Variants in EVL observed in about 807,000 individuals in gnomAD.
EVL encodes the protein Enah/Vasp-like, also known as ena/VASP-like protein.
Under a neutral mutation model 59.6 loss-of-function variants are expected in EVL, and 21 were observed. The ratio of observed to expected loss-of-function variants is 0.35; its 90% CI spans 0.25 to 0.51. The LOEUF (loss-of-function observed/expected upper bound fraction) is 0.51. EVL is among the 20% of genes least tolerant of loss of function. The pLI, the probability that EVL is intolerant of heterozygous loss-of-function variation, is 0.97. For missense variants in EVL, 462 were observed against 546.6 expected (o/e 0.85, Z 1.54); for synonymous variants, 198 against 203.5 (o/e 0.97, Z 0.23).
At chr14:100,097,370 C>T (rs2140320018) in intron 2 of EVL, 111 bp from the exon 3 acceptor site, 2 of 916,798 alleles carry the variant, frequency 2.2e-6, no homozygotes, top group Non-Finnish European at 3.2e-6. Flanking sequence ...CAAACCCCAT[C>T]CCCATCTTCC....
rs1297568170 is a variant in EVL at position 100,059,725 on chromosome 14, T to TG, written c.6-24955dup. Reference sequence around the variant, plus strand: ...AGTAGGACTGTGCTCTTGAGTCAGATGGGGGGGTGGTTGCAGAGGAGGGGG... The same window carrying TG: ...AGTAGGACTGTGCTCTTGAGTCAGATGGGGGGGGTGGTTGCAGAGGAGGGGG... On this transcript the variant is annotated intron_variant, in intron 1 of 13. Coordinates refer to the EVL transcript ENST00000402714. 1.5e-4 allele frequency among the ~76,000 whole-genome samples: 22 copies of TG among 149,602 alleles called. No homozygotes were observed. In the South Asian group the frequency reaches 1.9e-3, roughly 13 times the overall value.
At chr14:100,049,872 A>G (rs1471514286) in intron 1 of EVL, among the ~76,000 whole-genome samples, 5 of 152,058 alleles carry the variant, frequency 3.3e-5, no homozygotes, top group Non-Finnish European at 7.4e-5. Context: ...CCCCTTTTGG[A>G]TTTTATATCG....
chr14:100,026,031 G>A (rs2061205272), intron 1 of EVL, among the ~76,000 whole-genome samples: 1 of 152,022 alleles, frequency 6.6e-6, no homozygotes, highest in Non-Finnish European at 1.5e-5. Flanking sequence ...CGGATAGATT[G>A]CTTGAGCCCA....
chr14:100,111,148 A>ATT (rs35367426), intron 3 of EVL, among the ~76,000 whole-genome samples: 3,276 of 86,754 alleles, frequency 0.038, 172 homozygotes, highest in Non-Finnish European at 0.051. Context: ...TAGTGTCCTC[A>ATT]TTTTTTTTTT....
chr14:100,070,668 G>C (rs2062030744), intron 1 of EVL, among the ~76,000 whole-genome samples: 1 of 152,208 alleles, frequency 6.6e-6, no homozygotes, highest in African/African-American at 2.4e-5. Flanking sequence ...GTGGCTACTT[G>C]TGTCTTCAGG....
chr14:100,121,514 C>T (rs1247179741), intron 3 of EVL, among the ~76,000 whole-genome samples: 1 of 152,204 alleles, frequency 6.6e-6, no homozygotes, highest in Non-Finnish European at 1.5e-5. Flanking sequence ...AGAAGAATGG[C>T]AAGCCTTACG....
At chr14:100,026,437 A>C (rs990722341) in intron 1 of EVL, among the ~76,000 whole-genome samples, 2 of 147,258 alleles carry the variant, frequency 1.4e-5, no homozygotes, top group Non-Finnish European at 1.5e-5. Flanking sequence ...TATGTGCCTG[A>C]AATGCCATCC....
chr14:100,143,383 C>T (rs1245334283), intron 13 of EVL, among the ~76,000 whole-genome samples: 1 of 152,184 alleles, frequency 6.6e-6, no homozygotes, highest in African/African-American at 2.4e-5. Context: ...CACACAGCAG[C>T]TCCTCACACC....
chr14:100,047,042 C>T (rs889140000), intron 1 of EVL, among the ~76,000 whole-genome samples: 31 of 149,648 alleles, frequency 2.1e-4, no homozygotes, highest in Non-Finnish European at 3.3e-4. Context: ...CGTGAGCCAC[C>T]GCGCCCAGCA....
chr14:100,141,655 C>T, intron 12 of EVL, 81 bp from the exon 13 acceptor site: 1 of 1,388,198 alleles, frequency 7.2e-7, no homozygotes, highest in Non-Finnish European at 1.0e-6. Context: ...AGACCCCAAG[C>T]CCTTTGGACA....
At chr14:100,122,930 G>A (rs986772777) in intron 3 of EVL, among the ~76,000 whole-genome samples, 1 of 152,212 alleles carries the variant, frequency 6.6e-6, no homozygotes, top group Non-Finnish European at 1.5e-5. Flanking sequence ...AACAAGGGGA[G>A]CAAGGGCAGG....
intron 1 of EVL, among the ~76,000 whole-genome samples, chr14:100,049,931 C>T (rs557518902): frequency 3.9e-5 from 6 of 152,246 alleles, no homozygotes; most frequent in East Asian, 1.9e-4. Context: ...ACTTCTTTCA[C>T]GTAGCCTAAT....
At chr14:99,985,638 A>T (rs1437823363) in intron 1 of EVL, among the ~76,000 whole-genome samples, 1 of 152,034 alleles carries the variant, frequency 6.6e-6, no homozygotes, top group Non-Finnish European at 1.5e-5. Context: ...GTGGTGGTGC[A>T]TGCCTGTAAT....
chr14:100,015,833 G>A (rs994655456), intron 1 of EVL, among the ~76,000 whole-genome samples: 3 of 152,060 alleles, frequency 2.0e-5, no homozygotes, highest in Non-Finnish European at 4.4e-5. Flanking sequence ...CACTTTGGGA[G>A]GCCAAGGTGG....
chr14:100,140,623 A>AG (rs1267403815), intron 11 of EVL: 1 of 152,042 alleles, frequency 6.6e-6, no homozygotes, highest in African/African-American at 2.4e-5. Context: ...TCTGAAAAAA[A>AG]AAAAGCGACA....
chr14:100,081,391 G>C (rs1019094925), intron 1 of EVL, among the ~76,000 whole-genome samples: 2 of 151,814 alleles, frequency 1.3e-5, no homozygotes, highest in Non-Finnish European at 2.9e-5. Flanking sequence ...GTATTTTCTT[G>C]CATTTAGGTT....
chr14:100,042,134 A>G (rs1244370559), intron 1 of EVL, among the ~76,000 whole-genome samples: 1 of 152,260 alleles, frequency 6.6e-6, no homozygotes, highest in Non-Finnish European at 1.5e-5. Flanking sequence ...TATGAAAATT[A>G]TTAATTAACT....
At chr14:100,031,733 T>C (rs926843306) in intron 1 of EVL, among the ~76,000 whole-genome samples, 12 of 152,222 alleles carry the variant, frequency 7.9e-5, no homozygotes, top group African/African-American at 2.9e-4. Context: ...GATGCCAGGG[T>C]TGACTCACAC....
intron 1 of EVL, among the ~76,000 whole-genome samples, chr14:100,007,279 G>A (rs2060988512): frequency 2.0e-5 from 3 of 152,034 alleles, no homozygotes; most frequent in Admixed American, 6.6e-5. Flanking sequence ...GTCACAGGTA[G>A]GTGAGAGACA....
Sources: gnomAD v4.1 joint callset for allele counts (sites outside exome capture counted in the v4.1 genomes callset) on GRCh38, gnomAD v4.1.1 for gene constraint, MANE v1.5 for transcripts, NCBI Gene and HGNC (gene_info 2026-07-23, HGNC 2026-07-21) for gene names.